Variants in CCDC159 observed in about 807,000 individuals in gnomAD.
CCDC159 encodes the protein coiled-coil domain containing 159, also known as coiled-coil domain-containing protein 159.
Under a neutral mutation model 50.9 loss-of-function variants are expected in CCDC159, and 40 were observed. The ratio of observed to expected loss-of-function variants is 0.79; its 90% CI spans 0.61 to 1.02. CCDC159 has a LOEUF of 1.02. CCDC159 is among the 50% of genes least tolerant of loss of function. The probability of loss-of-function intolerance (pLI) is 0.00; values close to 1 mark genes in which losing one functional copy is unlikely to be tolerated. For synonymous variants in CCDC159, 146 were observed against 138.9 expected (o/e 1.05, Z -0.36); for missense variants, 356 against 371.5 (o/e 0.96, Z 0.34).
At chr19:11,346,918 C>A (rs1967271171) in intron 1 of CCDC159, among the ~76,000 whole-genome samples, 1 of 152,188 alleles carries the variant, frequency 6.6e-6, no homozygotes, top group Admixed American at 6.5e-5. Flanking sequence ...CTATACCAGG[C>A]ACTGGCATGG....
At chr19:11,353,206 T>C (rs147275653) in intron 7 of CCDC159, among the ~76,000 whole-genome samples, 1,853 of 152,202 alleles carry the variant, frequency 0.012, 17 homozygotes, top group Non-Finnish European at 0.02. Context: ...GTTCAAGCAA[T>C]TCTCCTGCCT....
Position 11,352,153 on chromosome 19 carries a change from AC to A in CCDC159, c.567+23del. 1 of 1,610,490 alleles carries A rather than the reference AC, an allele frequency of 6.2e-7. No homozygotes were observed. The highest frequency in any genetic ancestry group is 8.5e-7 in the Non-Finnish European group (1 of 1,179,246). ...CGCAAAGTGAGTGGAGGAGATGGGG[AC>A]CCTGGGGAGGAGTGGGAGAGGGAGG... On this transcript the variant is annotated intron_variant, in intron 7 of 10. Transcript: ENST00000458408.
In CCDC159 at chr19:11,350,134, A is replaced by G. The variant is rs756703415; in HGVS notation, c.161A>G (p.Asn54Ser). The G allele has an allele frequency of 2.5e-6, 4 of 1,613,616 alleles. No homozygotes were observed. The highest frequency in any genetic ancestry group is 2.2e-5 in the South Asian group (2 of 91,014). Residue 54 changes from asparagine to serine, a missense_variant, in exon 4 of 11, where the codon AAC becomes AGC. Asn to Ser is a conservative substitution (Grantham distance 46). Transcript: ENST00000458408. ...QAQTKAFEFL[N>S]HSVTMLEKES... is the part of the protein sequence containing the mutation. Reference sequence around the variant, plus strand: ...TTCCCCCAGGCTTTCGAGTTCCTGAACCACTCAGTGACCATGTTGGAGAAG... The same window carrying G: ...TTCCCCCAGGCTTTCGAGTTCCTGAGCCACTCAGTGACCATGTTGGAGAAG...
At position 11,352,128 on chromosome 19, in the gene CCDC159, C is replaced by G. The variant is rs770784765; in HGVS notation, c.562C>G (p.Arg188Gly). Residue 188 changes from arginine (R) to glycine (G), a missense_variant, in exon 7 of 11, where the codon CGC becomes GGC. Arg to Gly is a moderately radical substitution (Grantham distance 125). Coordinates refer to ENST00000458408, the MANE Select transcript of CCDC159 (RefSeq NM_001080503.3). ...AATGCAGAAAACGCAGGTGAAATGC[C>G]GCAAAGTGAGTGGAGGAGATGGGGA... ...QKMQKTQVKCRKILTKMKQQG... is the reference protein window; with the variant it reads ...QKMQKTQVKCGKILTKMKQQG... The G allele has an allele frequency of 1.2e-6, 2 of 1,613,054 alleles. No homozygotes were observed. The highest frequency in any genetic ancestry group is 4.5e-5 in the East Asian group (2 of 44,856).
Position 11,353,837 on chromosome 19 carries a change from G to A in CCDC159, c.735G>A (p.Leu245=). The A allele has an allele frequency of 2.5e-6, 4 of 1,594,586 alleles. No homozygotes were observed. The highest frequency in any genetic ancestry group is 3.4e-6 in the Non-Finnish European group (4 of 1,170,692). The part of the protein sequence containing the change: ...VLQNSIDSLT[L]CSGACPKASS... Reference sequence around the variant, plus strand: ...AGAACTCCATAGACAGCCTCACTTTGTGCTCGGGGGCCTGTCCCAAGGCCT... The same window carrying A: ...AGAACTCCATAGACAGCCTCACTTTATGCTCGGGGGCCTGTCCCAAGGCCT... The change falls in exon 9 of 11, where the codon TTG becomes TTA. Residue 245 remains leucine (L), a synonymous_variant. Coordinates refer to ENST00000458408, the MANE Select transcript of CCDC159 (RefSeq NM_001080503.3).
Position 11,349,695 on chromosome 19 carries a change from A to G in CCDC159, c.55+8A>G. The G allele has an allele frequency of 1.9e-6, 3 of 1,591,174 alleles. No individual in the cohort carries two copies. The highest frequency in any genetic ancestry group is 2.6e-6 in the Non-Finnish European group (3 of 1,159,960). On this transcript the variant is annotated splice_region_variant and intron_variant, in intron 2 of 10. Transcript: ENST00000458408. ...GCTCTTCCAAAGTCAAAGGTGAGAA[A>G]TCTCCTTTCCAACAAAACTGTGTGG...
Position 11,352,048 on chromosome 19 carries a change from C to T in CCDC159, c.491-9C>T, listed in dbSNP as rs368113800. 6 of 1,613,374 alleles carry T rather than the reference C, an allele frequency of 3.7e-6. No individual in the cohort carries two copies. Among genetic ancestry groups the T allele is most frequent in the Admixed American group, 1.7e-5 (1 of 59,960 alleles). On this transcript the variant is annotated splice_polypyrimidine_tract_variant and intron_variant, in intron 6 of 10. Coordinates refer to ENST00000458408, the MANE Select transcript of CCDC159 (RefSeq NM_001080503.3). ...AGCCTTTGTCCGCCTGAGCCCCCTC[C>T]CTCCACAGAAGCGCAGGAGGATGAG...
chr19:11,351,870 CAGGG>C lies in CCDC159; in HGVS notation c.423-33_423-30del, dbSNP rs1019077570. 3 of 1,554,090 alleles carry C rather than the reference CAGGG, an allele frequency of 1.9e-6. No homozygotes were observed. In the African/African-American group the frequency reaches 4.1e-5, roughly 21 times the overall value. On this transcript the variant is annotated intron_variant, in intron 5 of 10. Coordinates refer to ENST00000458408, the MANE Select transcript of CCDC159 (RefSeq NM_001080503.3). The stretch of plus-strand genomic sequence containing the variant: ...GGGGCATGGGAGGTCAGGGGCCAGG[CAGGG>C]AGTGCAGGTCTAGGCTGCACTGTCC...
intron 1 of CCDC159, among the ~76,000 whole-genome samples, chr19:11,347,871 T>C (rs1967345791): frequency 6.6e-6 from 1 of 152,220 alleles, no homozygotes; most frequent in Non-Finnish European, 1.5e-5. Flanking sequence ...AGAGCTCAGC[T>C]GTTTCCTGTT....
At position 11,353,842 on chromosome 19, in the gene CCDC159, C is replaced by CG; in HGVS notation, c.745dup (p.Ala249GlyfsTer27). The CG allele has an allele frequency of 6.3e-7, 1 of 1,592,450 alleles. No homozygotes were observed. The highest frequency in any genetic ancestry group is 8.5e-7 in the Non-Finnish European group (1 of 1,169,670). ...TCCATAGACAGCCTCACTTTGTGCT[C>CG]GGGGGCCTGTCCCAAGGCCTCGAGC... is the stretch of plus-strand genomic sequence containing the variant. On this transcript the variant is annotated frameshift_variant, in exon 9 of 11. Transcript: ENST00000458408. LOFTEE classifies it high-confidence loss of function.
chr19:11,352,170 G>C, intron 7 of CCDC159, 37 bp downstream of exon 7: 2 of 1,601,350 alleles, frequency 1.2e-6, no homozygotes, highest in South Asian at 1.1e-5. Flanking sequence ...GGAGGAGTGG[G>C]AGAGGGAGGG....
chr19:11,351,064 G>A, intron 5 of CCDC159, 61 bp downstream of exon 5: 1 of 1,438,838 alleles, frequency 7.0e-7, no homozygotes, highest in Non-Finnish European at 9.2e-7. Flanking sequence ...CCAGAACTGG[G>A]GAATGGAGGC....
chr19:11,350,056 C>A, intron 3 of CCDC159, 30 bp downstream of exon 3: 1 of 1,612,472 alleles, frequency 6.2e-7, no homozygotes, highest in South Asian at 1.1e-5. Context: ...CCCCCAGCAA[C>A]CTCTGTTTCT....
Position 11,351,939 on chromosome 19 carries a change from G to T in CCDC159, c.456G>T (p.Val152=), listed in dbSNP as rs1967608452. Residue 152 remains valine, a synonymous_variant, in exon 6 of 11, where the codon GTG becomes GTT. Coordinates refer to ENST00000458408, the MANE Select transcript of CCDC159 (RefSeq NM_001080503.3). ...KKFLWEELEL[V]REEVTFIYQK... ...TCCTGTGGGAGGAGCTGGAACTGGT[G>T]CGGGAGGAGGTGACCTTCATCTATC... is the stretch of plus-strand genomic sequence containing the variant. The T allele has an allele frequency of 6.2e-7, 1 of 1,604,508 alleles. No homozygotes were observed. The highest frequency in any genetic ancestry group is 2.2e-5 in the East Asian group (1 of 44,496).
At chr19:11,349,142 AAGCAGTGCTGT>A (rs1568311096) in intron 1 of CCDC159, 1 of 1,352,148 alleles carries the variant, frequency 7.4e-7, no homozygotes, top group African/African-American at 1.5e-5. Context: ...AGACCTGCAG[AAGCAGTGCTGT>A]AATGACCAGG....
rs762214657 is a variant in CCDC159, at chr19:11,351,910, A to G, written c.427A>G (p.Lys143Glu). 13 of 1,595,194 alleles carry G rather than the reference A, an allele frequency of 8.1e-6. No individual in the cohort carries two copies. Among genetic ancestry groups the G allele is most frequent in the Middle Eastern group, 1.8e-4 (1 of 5,434 alleles). The change falls in exon 6 of 11, where the codon AAG becomes GAG. Residue 143 changes from lysine (K) to glutamate (E), a missense_variant. Transcript: ENST00000458408. ...LLAQEIRDSK[K>E]FLWEELELVR... ...TAGGCTGCACTGTCCCCTCAGCAAG[A>G]AGTTCCTGTGGGAGGAGCTGGAACT...
At position 11,349,771 on chromosome 19, in the gene CCDC159, C is replaced by G. The variant is rs1030645358; in HGVS notation, c.55+84C>G. The G allele has an allele frequency of 2.4e-6, 3 of 1,263,752 alleles. No individual in the cohort carries two copies. In the Admixed American group the frequency reaches 5.5e-5, roughly 23 times the overall value. 78.3% of individuals were successfully genotyped at this position (1,263,752 alleles called of 1,614,324 possible). ...ACCCTCTGCCCCAGCATCAGCTGTCCCCCTGCCATGGTCACCCATTCACTC... is the reference window on the plus strand; with the variant it reads ...ACCCTCTGCCCCAGCATCAGCTGTCGCCCTGCCATGGTCACCCATTCACTC... On this transcript the variant is annotated intron_variant, in intron 2 of 10. Coordinates refer to ENST00000458408, the MANE Select transcript of CCDC159 (RefSeq NM_001080503.3).
chr19:11,353,709 GC>G, intron 8 of CCDC159, 82 bp from the exon 9 acceptor site: 1 of 1,537,262 alleles, frequency 6.5e-7, no homozygotes, highest in Admixed American at 2.0e-5. Context: ...CCCCACCACG[GC>G]CCCCAACCTT....
rs756325627 is a variant in CCDC159, at chr19:11,348,992, C to T, written c.22-662C>T. ...CTCTTCCTCGGACAAGGCTCTGGAG[C>T]GTACAGCTCACTGGTCCAGGACTCC... On this transcript the variant is annotated intron_variant, in intron 1 of 10. Coordinates refer to ENST00000458408, the MANE Select transcript of CCDC159 (RefSeq NM_001080503.3). 1.3e-4 allele frequency: 174 copies of T among 1,335,884 alleles called. 2 individuals carry two copies. In the South Asian group the frequency reaches 1.8e-3, roughly 14 times the overall value. 82.8% of individuals were successfully genotyped at this position (1,335,884 alleles called of 1,614,324 possible). A position where few individuals can be genotyped will look rare whatever the true frequency, so the allele number is the denominator to read the frequency against.
Sources: gnomAD v4.1 joint callset for allele counts (sites outside exome capture counted in the v4.1 genomes callset) on GRCh38, gnomAD v4.1.1 for gene constraint, MANE v1.5 for transcripts, NCBI Gene and HGNC (gene_info 2026-07-23, HGNC 2026-07-21) for gene names.